The following RBFOX1 variants were observed in gnomAD, a reference collection of about 807,000 sequenced individuals.
RBFOX1 encodes RNA binding fox-1 homolog 1.
Under a neutral mutation model 57.7 loss-of-function variants are expected in RBFOX1, and 8 were observed. The observed-to-expected ratio is 0.14, with a 90% CI of 0.08 to 0.25. RBFOX1 has a LOEUF of 0.25. Among genes scored for constraint, RBFOX1 ranks in the 10% least tolerant of loss-of-function variants. RBFOX1 has a pLI of 1.00. For synonymous variants in RBFOX1, 326 were observed against 222.4 expected, an observed-to-expected ratio of 1.47 and a Z score of -4.15; for missense variants, 611 against 548.5, an observed-to-expected ratio of 1.11 and a Z score of -1.14.
intron 2 of RBFOX1, among the ~76,000 whole-genome samples, chr16:6,395,936 TGCACCTGTAGTCCCA>T (rs1439453636): frequency 6.6e-6 from 1 of 151,452 alleles, no homozygotes; most frequent in African/African-American, 2.4e-5. Flanking sequence ...CATGGTGGCG[TGCACCTGTAGTCCCA>T]GCTACTTGGG....
intron 4 of RBFOX1, among the ~76,000 whole-genome samples, chr16:7,275,661 A>T (rs1267659990): frequency 6.6e-6 from 1 of 152,236 alleles, no homozygotes; most frequent in African/African-American, 2.4e-5. Context: ...TTCGGGGAAC[A>T]TAATTGGAGT....
intron 3 of RBFOX1, among the ~76,000 whole-genome samples, chr16:7,011,439 C>G (rs2093648116): frequency 6.6e-6 from 1 of 152,034 alleles, no homozygotes; most frequent in Non-Finnish European, 1.5e-5. Flanking sequence ...ACAGGTTGGG[C>G]CTTCCAAGTT....
intron 4 of RBFOX1, among the ~76,000 whole-genome samples, chr16:5,960,603 G>A (rs1161258741): frequency 5.3e-5 from 8 of 151,890 alleles, no homozygotes; most frequent in East Asian, 1.9e-4. Context: ...GATTCATGCC[G>A]TTCACAGAGC....
At chr16:6,677,889 A>G (rs2058014387) in intron 3 of RBFOX1, among the ~76,000 whole-genome samples, 1 of 152,166 alleles carries the variant, frequency 6.6e-6, no homozygotes, top group Non-Finnish European at 1.5e-5. Context: ...CAATTTTAGG[A>G]GCAATTTTTG....
rs116267091 is a variant in RBFOX1 at position 5,344,343 on chromosome 16, G to C, written c.219+104238G>C. On this transcript the variant is annotated intron_variant, in intron 1 of 2. Transcript: ENST00000585867. ...ATCAGCTGTGTCATTGGTAGGGATGGTAAGTCTCCCTCTGTTTTGCTTTAA... is the reference window on the plus strand; with the variant it reads ...ATCAGCTGTGTCATTGGTAGGGATGCTAAGTCTCCCTCTGTTTTGCTTTAA... Among the ~76,000 whole-genome samples, 622 of 152,272 alleles carry C rather than the reference G, an allele frequency of 4.1e-3. 4 individuals carry two copies. Among genetic ancestry groups the C allele is most frequent in the African/African-American group, 0.014 (583 of 41,558 alleles).
intron 4 of RBFOX1, among the ~76,000 whole-genome samples, chr16:7,076,726 G>A (rs564828741): frequency 6.6e-6 from 1 of 152,084 alleles, no homozygotes; most frequent in Admixed American, 6.5e-5. Context: ...TAACCAAGAT[G>A]TTCACTCGTA....
rs527764444 is a variant in RBFOX1 at position 5,703,277 on chromosome 16, C to T, written c.318+104316C>T. Reference sequence around the variant, plus strand: ...GGTAAGGGCATTGGGAAAAGGCTTTCTGGAGGATATGATATTTGAACCAAG... The same window carrying T: ...GGTAAGGGCATTGGGAAAAGGCTTTTTGGAGGATATGATATTTGAACCAAG... On this transcript the variant is annotated intron_variant, in intron 3 of 19. Coordinates refer to the RBFOX1 transcript ENST00000641259. Among the ~76,000 whole-genome samples, 19 of 152,292 alleles carry T rather than the reference C, an allele frequency of 1.2e-4. 1 individual carries two copies. In the South Asian group the frequency reaches 3.7e-3, roughly 30 times the overall value.
chr16:6,523,576 A>T (rs1427965513), intron 2 of RBFOX1, among the ~76,000 whole-genome samples: 1 of 152,180 alleles, frequency 6.6e-6, no homozygotes, highest in Non-Finnish European at 1.5e-5. Context: ...CTTGCCTTTC[A>T]GTCTGTATTA....
chr16:7,528,607 A>C (rs149897576), intron 5 of RBFOX1, among the ~76,000 whole-genome samples: 29 of 152,234 alleles, frequency 1.9e-4, no homozygotes, highest in African/African-American at 7.0e-4. Context: ...ATAGCAGGGT[A>C]CTGAGCTCAG....
intron 3 of RBFOX1, among the ~76,000 whole-genome samples, chr16:6,901,589 T>G (rs2068510561): frequency 6.6e-6 from 1 of 152,164 alleles, no homozygotes; most frequent in African/African-American, 2.4e-5. Context: ...AATTATGCTG[T>G]GAGAGGCTGA....
At chr16:7,443,524 C>A (rs186455063) in intron 4 of RBFOX1, among the ~76,000 whole-genome samples, 2 of 151,772 alleles carry the variant, frequency 1.3e-5, no homozygotes, top group Non-Finnish European at 2.9e-5. Context: ...AGATATGAAC[C>A]CAACAACCTT....
intron 5 of RBFOX1, among the ~76,000 whole-genome samples, chr16:7,536,374 T>C (rs1406063858): frequency 2.0e-5 from 3 of 152,138 alleles, no homozygotes; most frequent in African/African-American, 7.2e-5. Context: ...TGGGTGGATC[T>C]CTTGAGGCAA....
intron 3 of RBFOX1, among the ~76,000 whole-genome samples, chr16:5,696,553 C>T (rs898370176): frequency 1.2e-4 from 19 of 152,252 alleles, no homozygotes; most frequent in African/African-American, 4.6e-4. Flanking sequence ...TCAAATTTAC[C>T]GCATATTTCT....
intron 3 of RBFOX1, among the ~76,000 whole-genome samples, chr16:5,697,770 G>C (rs1044423897): frequency 1.6e-4 from 24 of 152,124 alleles, no homozygotes; most frequent in African/African-American, 5.5e-4. Context: ...CTGTCCTCAT[G>C]ATCTGCCTGC....
intron 4 of RBFOX1, among the ~76,000 whole-genome samples, chr16:7,399,859 A>T (rs189292523): frequency 6.6e-6 from 1 of 152,202 alleles, no homozygotes; most frequent in Admixed American, 6.5e-5. Context: ...CTGCCATTTT[A>T]TTGTGAACTA....
chr16:5,404,558 G>T (rs982957446), intron 1 of RBFOX1, among the ~76,000 whole-genome samples: 12 of 152,218 alleles, frequency 7.9e-5, no homozygotes, highest in Non-Finnish European at 1.6e-4. Flanking sequence ...GAGGATAGCT[G>T]TATCTTCAGA....
intron 2 of RBFOX1, among the ~76,000 whole-genome samples, chr16:6,583,064 A>C (rs892422309): frequency 6.6e-6 from 1 of 150,518 alleles, no homozygotes; most frequent in Non-Finnish European, 1.5e-5. Context: ...TTTGGTGTTC[A>C]CTCCATTCTC....
intron 2 of RBFOX1, among the ~76,000 whole-genome samples, chr16:6,475,681 G>A (rs573396588): frequency 1.8e-4 from 27 of 152,314 alleles, no homozygotes; most frequent in African/African-American, 6.3e-4. Context: ...AAGAAAATCA[G>A]TAGGTCCTAG....
chr16:7,616,949 A>G lies in RBFOX1; in HGVS notation c.676+9611A>G, dbSNP rs533240035. ...GTGGAAAATGTGCAAGGTTTGAGAT[A>G]GCCCAGGCCTGCTAGAATCCACCCT... On this transcript the variant is annotated intron_variant, in intron 10 of 15. Coordinates refer to ENST00000550418, the MANE Select transcript of RBFOX1 (RefSeq NM_018723.4). 2.0e-5 allele frequency among the ~76,000 whole-genome samples: 3 copies of G among 152,188 alleles called. No homozygotes were observed. The South Asian group carries it at 6.2e-4, about 32-fold the overall frequency.
Sources: gnomAD v4.1 joint callset for allele counts (sites outside exome capture counted in the v4.1 genomes callset) on GRCh38, gnomAD v4.1.1 for gene constraint, MANE v1.5 for transcripts, NCBI Gene and HGNC (gene_info 2026-07-23, HGNC 2026-07-21) for gene names.